Variants in PRDM16 observed in about 807,000 individuals in gnomAD.
PRDM16 encodes PR/SET domain 16.
PRDM16 carries 23 observed loss-of-function variants against 110.6 expected under a neutral mutation model. The ratio of observed to expected loss-of-function variants is 0.21; its 90% CI spans 0.15 to 0.29. The LOEUF (loss-of-function observed/expected upper bound fraction) is 0.29. Among genes scored for constraint, PRDM16 ranks in the 10% least tolerant of loss-of-function variants. PRDM16 has a pLI of 1.00. For synonymous variants in PRDM16, 799 were observed against 781.8 expected (o/e 1.02, Z -0.37); for missense variants, 1,615 against 1,794.3 (o/e 0.90, Z 1.81).
intron 2 of PRDM16, among the ~76,000 whole-genome samples, chr1:3,210,493 CGT>C (rs943364519): frequency 2.6e-5 from 4 of 152,174 alleles, no homozygotes; most frequent in African/African-American, 9.7e-5. Context: ...TGCGTGCACG[CGT>C]GTGTCTGTGC....
chr1:3,264,906 G>A (rs146165899), intron 3 of PRDM16, among the ~76,000 whole-genome samples: 9 of 152,272 alleles, frequency 5.9e-5, no homozygotes, highest in African/African-American at 2.2e-4. Flanking sequence ...GGGCTCATTG[G>A]CAGGGATGGG....
chr1:3,390,507 G>A lies in PRDM16; in HGVS notation c.573+5221G>A, dbSNP rs1045403238. 7.9e-5 allele frequency among the ~76,000 whole-genome samples: 12 copies of A among 152,172 alleles called. No homozygotes were observed. The highest frequency in any genetic ancestry group is 1.6e-4 in the Non-Finnish European group (11 of 68,022). On this transcript the variant is annotated intron_variant, in intron 4 of 16. Coordinates refer to ENST00000270722, the MANE Select transcript of PRDM16 (RefSeq NM_022114.4). This position sits in a 1 kb window ranked among gnomAD's most constrained non-coding sequence, Gnocchi z 5.0. ...CTTCCAGGGGCAGAGCAGGGGTCCC[G>A]GCGCCCGCCGTGGAGCAGCACAGCC...
chr1:3,209,449 G>A lies in PRDM16; in HGVS notation c.387+22975G>A, dbSNP rs1255059390. On this transcript the variant is annotated intron_variant, in intron 2 of 16. Transcript: ENST00000270722. This position sits in a 1 kb window ranked among gnomAD's most constrained non-coding sequence, Gnocchi z 4.6. ...CTTCCTGGGGAGGCCTGTGAAGGTC[G>A]CGTGAATGCCTGTGTCCCCCGGGAC... 2.0e-5 allele frequency among the ~76,000 whole-genome samples: 3 copies of A among 152,096 alleles called. No homozygotes were observed. The highest frequency in any genetic ancestry group is 4.8e-5 in the African/African-American group (2 of 41,418).
chr1:3,409,635 C>G (rs531418486), intron 8 of PRDM16, among the ~76,000 whole-genome samples: 5 of 151,818 alleles, frequency 3.3e-5, no homozygotes, highest in Non-Finnish European at 7.4e-5. Flanking sequence ...CAGAGAGAGA[C>G]ACTCGCCGGG....
rs1398328149 is a variant in PRDM16 at position 3,325,937 on chromosome 1, C to T, written c.439-59215C>T. ...CCTTGGCCCTCCTCGGCCCTCTTGG[C>T]CCTCCTTGGCCATCCTCGACGATCC... is the stretch of plus-strand genomic sequence containing the variant. On this transcript the variant is annotated intron_variant, in intron 3 of 16. Transcript: ENST00000270722. Among the ~76,000 whole-genome samples, 6 of 139,016 alleles carry T rather than the reference C, an allele frequency of 4.3e-5. No homozygotes were observed. The East Asian group carries it at 1.0e-3, about 23-fold the overall frequency. 91.2% of individuals were successfully genotyped at this position (139,016 alleles called of 152,430 possible). A position where few individuals can be genotyped will look rare whatever the true frequency, so the allele number is the denominator to read the frequency against.
At chr1:3,140,014 G>A (rs1004416732) in intron 1 of PRDM16, among the ~76,000 whole-genome samples, 7 of 152,252 alleles carry the variant, frequency 4.6e-5, no homozygotes, top group East Asian at 1.9e-4. Flanking sequence ...CCCCGGCGAC[G>A]CATCTCCCTC....
chr1:3,239,994 A>T (rs1378429272), intron 2 of PRDM16, among the ~76,000 whole-genome samples: 1 of 148,300 alleles, frequency 6.7e-6, no homozygotes, highest in Non-Finnish European at 1.5e-5. Flanking sequence ...AAAAGAAAAG[A>T]GAGAGAGGAA....
At chr1:3,323,297 G>T (rs182443067) in intron 3 of PRDM16, among the ~76,000 whole-genome samples, 67 of 152,288 alleles carry the variant, frequency 4.4e-4, no homozygotes, top group Non-Finnish European at 8.4e-4. Flanking sequence ...GTGAGAGTCC[G>T]ACCTCCTGGG....
chr1:3,291,650 A>G (rs1172134103), intron 3 of PRDM16, among the ~76,000 whole-genome samples: 1 of 152,236 alleles, frequency 6.6e-6, no homozygotes, highest in African/African-American at 2.4e-5. Flanking sequence ...TCCATTTTAA[A>G]TAAGGTCTGA....
intron 2 of PRDM16, among the ~76,000 whole-genome samples, chr1:3,215,860 T>C (rs2817144): frequency 0.4 from 61,447 of 152,030 alleles, 18,373 homozygotes; most frequent in African/African-American, 0.83. Flanking sequence ...CTTCCCCGGC[T>C]CCTCAGCCTC....
chr1:3,138,213 C>T (rs1037733316), intron 1 of PRDM16, among the ~76,000 whole-genome samples: 1 of 152,234 alleles, frequency 6.6e-6, no homozygotes, highest in Non-Finnish European at 1.5e-5. Context: ...GGCCGCATCC[C>T]TCCCAGCGCA....
At chr1:3,345,725 CCCG>C (rs1257080317) in intron 3 of PRDM16, among the ~76,000 whole-genome samples, 16 of 151,266 alleles carry the variant, frequency 1.1e-4, no homozygotes, top group African/African-American at 3.9e-4. Context: ...CTCGGGTCCT[CCCG>C]TGCTGCCCCC....
chr1:3,341,061 GCCCCCTGAGCCCTCGTTTCTCC>G (rs368493588), intron 3 of PRDM16, among the ~76,000 whole-genome samples: 330 of 130,918 alleles, frequency 2.5e-3, no homozygotes, highest in African/African-American at 8.2e-3. Context: ...CCAAGTTGCT[GCCCCCTGAGCCCTCGTTTCTCC>G]CCCTCTGAGC....
intron 1 of PRDM16, among the ~76,000 whole-genome samples, chr1:3,144,715 C>T (rs12737832): frequency 0.076 from 11,591 of 152,326 alleles, 589 homozygotes; most frequent in East Asian, 0.12. Context: ...TGCACCCAGC[C>T]GCCCAGCTCA....
intron 1 of PRDM16, among the ~76,000 whole-genome samples, chr1:3,167,564 CCCTGCT>C (rs1272456617): frequency 1.3e-5 from 2 of 150,120 alleles, no homozygotes; most frequent in Non-Finnish European, 2.9e-5. Flanking sequence ...TGGCATTGCC[CCCTGCT>C]CCTGCCATCC....
chr1:3,083,186 G>A (rs541544118), intron 1 of PRDM16, among the ~76,000 whole-genome samples: 2 of 152,328 alleles, frequency 1.3e-5, no homozygotes, highest in African/African-American at 2.4e-5. Context: ...TAAACGTCTC[G>A]TCCGAGACCA....
At chr1:3,341,573 G>A (rs758052159) in intron 3 of PRDM16, among the ~76,000 whole-genome samples, 11 of 152,292 alleles carry the variant, frequency 7.2e-5, no homozygotes, top group East Asian at 3.9e-4. Flanking sequence ...ACACGCGTGC[G>A]CACACACACA....
intron 3 of PRDM16, among the ~76,000 whole-genome samples, chr1:3,384,042 C>T (rs1020917403): frequency 6.6e-6 from 1 of 151,678 alleles, no homozygotes; most frequent in African/African-American, 2.4e-5. Context: ...GACACGCCTG[C>T]CCACAAGGAC....
chr1:3,159,897 C>G (rs1643885011), intron 1 of PRDM16, among the ~76,000 whole-genome samples: 1 of 152,214 alleles, frequency 6.6e-6, no homozygotes, highest in South Asian at 2.1e-4. Context: ...GTAAACTTTA[C>G]CTTTCAGATC....
Sources: gnomAD v4.1 joint callset for allele counts (sites outside exome capture counted in the v4.1 genomes callset) on GRCh38, gnomAD v4.1.1 for gene constraint, Gnocchi (gnomAD v3.1) non-coding constraint, MANE v1.5 for transcripts, NCBI Gene and HGNC (gene_info 2026-07-23, HGNC 2026-07-21) for gene names.